Variants in TMEM131L observed in about 807,000 individuals in gnomAD.
TMEM131L encodes transmembrane protein 131-like.
Under a neutral mutation model 192.2 loss-of-function variants are expected in TMEM131L, and 54 were observed. The observed-to-expected ratio is 0.28, with a 90% confidence interval of 0.23 to 0.35. The LOEUF (loss-of-function observed/expected upper bound fraction) is 0.35, where lower values mean the gene tolerates loss of function less well. Ranked by LOEUF, TMEM131L falls within the 10% of genes least tolerant of loss-of-function variation. The pLI is 1.00. For synonymous variants in TMEM131L, 701 were observed against 704.9 expected (o/e 0.99, Z 0.09); for missense variants, 1,888 against 1,972.9 (o/e 0.96, Z 0.82).
chr4:153,509,236 C>T (rs993471618), intron 3 of TMEM131L, among the ~76,000 whole-genome samples: 3 of 151,684 alleles, frequency 2.0e-5, no homozygotes, highest in African/African-American at 7.3e-5. Context: ...TGGTGGCATG[C>T]ACCTGTAGTC....
intron 7 of TMEM131L, among the ~76,000 whole-genome samples, chr4:153,578,292 G>T (rs2150703337): frequency 6.6e-6 from 1 of 152,198 alleles, no homozygotes. Flanking sequence ...GGAGTTTGAG[G>T]CTGCATTGCG....
In TMEM131L at chr4:153,591,056, G is replaced by T; in HGVS notation, c.1674G>T (p.Arg558Ser). 1 of 1,558,050 alleles carries T rather than the reference G, an allele frequency of 6.4e-7. No homozygotes were observed. Among genetic ancestry groups the T allele is most frequent in the Non-Finnish European group, 8.7e-7 (1 of 1,149,984 alleles). The change falls in exon 17 of 35, where the codon AGG becomes AGT. Residue 558 changes from arginine to serine, a missense_variant. By Grantham distance (110) the Arg-to-Ser change is moderately radical (BLOSUM62 -1). Coordinates refer to ENST00000409959, the MANE Select transcript of TMEM131L (RefSeq NM_001131007.2). ...AGTTTCTTTATCAATTAAACAGGAG[G>T]AATGTTTTGGGAACAACTCGATTTG... ...KKYKNGDVCK[R>S]NVLGTTRFAH...
intron 31 of TMEM131L, among the ~76,000 whole-genome samples, chr4:153,629,674 G>T (rs1439520362): frequency 6.6e-6 from 1 of 152,224 alleles, no homozygotes; most frequent in Middle Eastern, 3.4e-3. Flanking sequence ...AAACCGTGCT[G>T]TCGGGGTCCC....
intron 3 of TMEM131L, among the ~76,000 whole-genome samples, chr4:153,524,888 G>T (rs1416362730): frequency 6.6e-6 from 1 of 152,190 alleles, no homozygotes; most frequent in African/African-American, 2.4e-5. Context: ...CCTTTGGCCA[G>T]GATGTAACCC....
intron 25 of TMEM131L, among the ~76,000 whole-genome samples, chr4:153,605,774 ATAT>A (rs765640731): frequency 6.6e-6 from 1 of 152,232 alleles, no homozygotes; most frequent in African/African-American, 2.4e-5. Flanking sequence ...AGGTACAGAA[ATAT>A]TATGGATTGA....
At chr4:153,560,019 A>G (rs748710294) in intron 7 of TMEM131L, among the ~76,000 whole-genome samples, 38 of 151,056 alleles carry the variant, frequency 2.5e-4, no homozygotes, top group Non-Finnish European at 4.6e-4. Flanking sequence ...TCCACCTCCA[A>G]TTTTCTCCAA....
chr4:153,480,082 G>T (rs1019287068), intron 3 of TMEM131L, among the ~76,000 whole-genome samples: 5 of 152,226 alleles, frequency 3.3e-5, no homozygotes, highest in African/African-American at 1.2e-4. Context: ...GCTCACGCGT[G>T]TAATCCCAGC....
intron 3 of TMEM131L, among the ~76,000 whole-genome samples, chr4:153,496,338 T>A (rs138532225): frequency 7.7e-4 from 117 of 152,298 alleles, no homozygotes; most frequent in African/African-American, 2.7e-3. Context: ...GCTGCTCCAT[T>A]GCATCGAAAA....
intron 3 of TMEM131L, among the ~76,000 whole-genome samples, chr4:153,532,961 G>T (rs1170966007): frequency 6.6e-6 from 1 of 151,532 alleles, no homozygotes; most frequent in Non-Finnish European, 1.5e-5. Context: ...GGTGGATTTA[G>T]GGATTCTCTC....
chr4:153,557,547 G>A (rs1324533600), intron 6 of TMEM131L, among the ~76,000 whole-genome samples: 5 of 152,128 alleles, frequency 3.3e-5, no homozygotes, highest in African/African-American at 1.2e-4. Context: ...TCATATCAAG[G>A]TACCAGGAAG....
intron 29 of TMEM131L, among the ~76,000 whole-genome samples, chr4:153,624,180 G>A (rs1228006883): frequency 6.7e-6 from 1 of 149,676 alleles, no homozygotes; most frequent in African/African-American, 2.5e-5. Flanking sequence ...GTGCAGTGGT[G>A]GGATCTCGGC....
intron 18 of TMEM131L, 64 bp from the exon 19 acceptor site, chr4:153,593,733 CTT>C (rs551893639): frequency 5.9e-6 from 6 of 1,025,350 alleles, no homozygotes; most frequent in Admixed American, 1.7e-5. Flanking sequence ...TGTGCACACA[CTT>C]ATTAAATCTT....
intron 7 of TMEM131L, among the ~76,000 whole-genome samples, chr4:153,561,304 A>G (rs1333871866): frequency 3.3e-5 from 5 of 152,162 alleles, no homozygotes; most frequent in Admixed American, 6.5e-5. Flanking sequence ...ATGGTTTGCA[A>G]ATATTTTCTC....
In TMEM131L at chr4:153,493,112, C is replaced by T. The variant is rs148377741; in HGVS notation, c.239+19224C>T. Among the ~76,000 whole-genome samples the T allele has an allele frequency of 7.8e-3, 1,185 of 151,914 alleles. 16 individuals carry two copies. The highest frequency in any genetic ancestry group is 0.038 in the South Asian group (181 of 4,794). ...CTGTAATCCCAGCACTTTGGGAGGCCGAGGCAGGTGGGTCACAAGGTCAGG... is the reference window on the plus strand; with the variant it reads ...CTGTAATCCCAGCACTTTGGGAGGCTGAGGCAGGTGGGTCACAAGGTCAGG... On this transcript the variant is annotated intron_variant, in intron 3 of 34. Coordinates refer to ENST00000409959, the MANE Select transcript of TMEM131L (RefSeq NM_001131007.2).
intron 7 of TMEM131L, among the ~76,000 whole-genome samples, chr4:153,562,551 C>T (rs1045940925): frequency 7.2e-5 from 11 of 152,062 alleles, no homozygotes; most frequent in South Asian, 2.1e-4. Flanking sequence ...TGATATTCTA[C>T]GGGTTTTATG....
intron 3 of TMEM131L, among the ~76,000 whole-genome samples, chr4:153,494,702 A>T (rs900432429): frequency 1.3e-5 from 2 of 152,202 alleles, no homozygotes; most frequent in African/African-American, 4.8e-5. Flanking sequence ...TCACCTAAAC[A>T]ATAGGAAGTT....
At chr4:153,483,397 A>G (rs540940850) in intron 3 of TMEM131L, among the ~76,000 whole-genome samples, 2 of 152,290 alleles carry the variant, frequency 1.3e-5, no homozygotes, top group African/African-American at 4.8e-5. Context: ...GACAAATCCA[A>G]CAACCCAAGA....
intron 3 of TMEM131L, among the ~76,000 whole-genome samples, chr4:153,538,659 G>A (rs1736525277): frequency 6.6e-6 from 1 of 152,246 alleles, no homozygotes; most frequent in Non-Finnish European, 1.5e-5. Flanking sequence ...ATGAGGCCAT[G>A]TAGTATTAGT....
intron 34 of TMEM131L, 92 bp downstream of exon 34, chr4:153,635,663 T>G (rs962678939): frequency 1.4e-5 from 20 of 1,465,216 alleles, no homozygotes; most frequent in Non-Finnish European, 1.9e-5. Context: ...AGCTTTAGCG[T>G]TGGGTTTGGA....
Sources: allele counts gnomAD v4.1 joint callset (sites outside exome capture counted in the v4.1 genomes callset), GRCh38; gene constraint gnomAD v4.1.1; transcripts MANE v1.5; gene names NCBI Gene and HGNC (gene_info 2026-07-23, HGNC 2026-07-21).